The following MKLN1 variants were observed in gnomAD, a reference collection of about 807,000 sequenced individuals.
The protein encoded by MKLN1 is muskelin 1.
Under a neutral mutation model 99.0 loss-of-function variants are expected in MKLN1, and 18 were observed. That is an observed-to-expected ratio of 0.18 (90% CI 0.13 to 0.27). The LOEUF (loss-of-function observed/expected upper bound fraction) is 0.27. Ranked by LOEUF, MKLN1 falls within the 10% of genes least tolerant of loss-of-function variation. The probability of loss-of-function intolerance (pLI) is 1.00; values close to 1 mark genes in which losing one functional copy is unlikely to be tolerated. For synonymous variants in MKLN1, 288 were observed against 293.2 expected (o/e 0.98, Z 0.18); for missense variants, 621 against 875.9 (o/e 0.71, Z 3.67).
chr7:131,462,647 G>C (rs1442258111), intron 12 of MKLN1, among the ~76,000 whole-genome samples: 2 of 152,050 alleles, frequency 1.3e-5, no homozygotes, highest in African/African-American at 4.8e-5. Flanking sequence ...TTATATTCAG[G>C]CACTATTCTA....
upstream of MKLN1, among the ~76,000 whole-genome samples, chr7:131,322,885 T>C (rs111767150): frequency 4.2e-3 from 636 of 152,264 alleles, 1 homozygote; most frequent in Middle Eastern, 6.8e-3. Flanking sequence ...CAAACACTTT[T>C]AAACCATCAC....
intron 17 of MKLN1, among the ~76,000 whole-genome samples, chr7:131,482,502 A>G (rs757278046): frequency 1.3e-5 from 2 of 152,198 alleles, no homozygotes; most frequent in Admixed American, 1.3e-4. Flanking sequence ...AGAAGTGTAC[A>G]TTTAATAATG....
At chr7:131,265,433 C>G (rs938120579) in intron 3 of MKLN1, among the ~76,000 whole-genome samples, 1 of 152,150 alleles carries the variant, frequency 6.6e-6, no homozygotes, top group Non-Finnish European at 1.5e-5. Flanking sequence ...GCCTCTTTCT[C>G]CCCACCCACT....
At chr7:131,243,823 G>A (rs1797443944) in intron 3 of MKLN1, among the ~76,000 whole-genome samples, 1 of 152,160 alleles carries the variant, frequency 6.6e-6, no homozygotes, top group Non-Finnish European at 1.5e-5. Context: ...AGACCAGCCT[G>A]GCCAACATGG....
In MKLN1 at chr7:131,386,254, C is replaced by T. The variant is rs1008297739; in HGVS notation, c.169-866C>T. ...GTCTCAAACCCCTGACCTTGTGATC[C>T]GCCCACCTCGGCCTCCCAAAGTGCT... On this transcript the variant is annotated intron_variant, in intron 2 of 17. Coordinates refer to ENST00000352689, the MANE Select transcript of MKLN1 (RefSeq NM_013255.5). Among the ~76,000 whole-genome samples, 258 of 152,148 alleles carry T rather than the reference C, an allele frequency of 1.7e-3. 1 individual carries two copies. Among genetic ancestry groups the T allele is most frequent in the African/African-American group, 6.0e-3 (250 of 41,526 alleles).
intron 1 of MKLN1, among the ~76,000 whole-genome samples, chr7:131,119,961 A>G (rs1288863839): frequency 2.0e-5 from 3 of 152,154 alleles, no homozygotes; most frequent in Non-Finnish European, 4.4e-5. Context: ...CTTTTTAAAT[A>G]TAAGTTCTAG....
intron 3 of MKLN1, among the ~76,000 whole-genome samples, chr7:131,259,939 A>G (rs992486313): frequency 6.6e-6 from 1 of 152,216 alleles, no homozygotes; most frequent in Non-Finnish European, 1.5e-5. Context: ...ATATAATTCT[A>G]TATCTATAAA....
At chr7:131,214,849 T>A (rs1171597540) in intron 3 of MKLN1, among the ~76,000 whole-genome samples, 3 of 152,246 alleles carry the variant, frequency 2.0e-5, no homozygotes, top group Non-Finnish European at 2.9e-5. Flanking sequence ...TTCATGAATA[T>A]GGTATATGTT....
intron 16 of MKLN1, among the ~76,000 whole-genome samples, chr7:131,478,158 A>G (rs1001843205): frequency 3.3e-5 from 5 of 152,228 alleles, no homozygotes; most frequent in African/African-American, 1.2e-4. Flanking sequence ...TGGTCTATAC[A>G]TGCTTTTTTT....
At chr7:131,371,559 A>T (rs1192755197) in intron 1 of MKLN1, among the ~76,000 whole-genome samples, 1 of 152,184 alleles carries the variant, frequency 6.6e-6, no homozygotes, top group East Asian at 1.9e-4. Context: ...TCTAATAGGC[A>T]TGTGAAAATT....
intron 3 of MKLN1, among the ~76,000 whole-genome samples, chr7:131,228,905 A>G (rs1006837118): frequency 2.6e-5 from 4 of 152,216 alleles, no homozygotes; most frequent in African/African-American, 7.2e-5. Flanking sequence ...AAAATCTTCT[A>G]AAGAGTTGAT....
intron 3 of MKLN1, among the ~76,000 whole-genome samples, chr7:131,301,012 T>C (rs1798370293): frequency 6.6e-6 from 1 of 152,220 alleles, no homozygotes; most frequent in Admixed American, 6.5e-5. Flanking sequence ...TTTCTTATCC[T>C]AAGACTTAAC....
At chr7:131,253,634 G>C (rs1797615271) in intron 3 of MKLN1, among the ~76,000 whole-genome samples, 1 of 152,166 alleles carries the variant, frequency 6.6e-6, no homozygotes, top group Non-Finnish European at 1.5e-5. Flanking sequence ...CACTCCAAGA[G>C]AAGTGGGTCA....
At chr7:131,269,992 G>A (rs1444411830) in intron 3 of MKLN1, among the ~76,000 whole-genome samples, 4 of 148,254 alleles carry the variant, frequency 2.7e-5, no homozygotes, top group Non-Finnish European at 3.0e-5. Flanking sequence ...GGCATGATCC[G>A]AGCTCACTGC....
chr7:131,142,426 A>G lies in MKLN1; in HGVS notation c.-418-394A>G, dbSNP rs146535391. 3.0e-3 allele frequency among the ~76,000 whole-genome samples: 451 copies of G among 151,158 alleles called. 2 individuals are homozygous for G. Among genetic ancestry groups the G allele is most frequent in the Middle Eastern group, 6.8e-3 (2 of 294 alleles). The stretch of plus-strand genomic sequence containing the variant: ...ACTCCATTTCAAAAAAAAAAAATTA[A>G]AATGATAATAATAATTTAAAAAAAT... On this transcript the variant is annotated intron_variant, in intron 1 of 7. Transcript: ENST00000416992.
chr7:131,114,983 T>C (rs1170310453), intron 1 of MKLN1, among the ~76,000 whole-genome samples: 1 of 151,704 alleles, frequency 6.6e-6, no homozygotes, highest in African/African-American at 2.4e-5. Context: ...CTGAAGTTTT[T>C]GGATTTAGTA....
At chr7:131,374,272 G>A (rs1793566192) in intron 1 of MKLN1, among the ~76,000 whole-genome samples, 2 of 152,096 alleles carry the variant, frequency 1.3e-5, no homozygotes, top group African/African-American at 2.4e-5. Context: ...TACCATTGTG[G>A]AAATACCAGG....
chr7:131,485,383 A>G (rs1797244095), intron 17 of MKLN1, among the ~76,000 whole-genome samples: 1 of 152,104 alleles, frequency 6.6e-6, no homozygotes, highest in Admixed American at 6.6e-5. Context: ...AGAAGGAGTC[A>G]TAGAGTCAGA....
At chr7:131,211,130 A>T (rs1284245537) in intron 3 of MKLN1, among the ~76,000 whole-genome samples, 1 of 152,128 alleles carries the variant, frequency 6.6e-6, no homozygotes, top group Non-Finnish European at 1.5e-5. Flanking sequence ...TAACTTACCC[A>T]GGGAACTATA....
Sources: gnomAD v4.1 joint callset for allele counts (sites outside exome capture counted in the v4.1 genomes callset) on GRCh38, gnomAD v4.1.1 for gene constraint, MANE v1.5 for transcripts, NCBI Gene and HGNC (gene_info 2026-07-23, HGNC 2026-07-21) for gene names.